The following BTG4 variants were observed in gnomAD, a reference collection of about 807,000 sequenced individuals.
BTG4 encodes the protein BTG anti-proliferation factor 4.
A neutral mutation model predicts 19.3 loss-of-function variants in BTG4; 10 were observed. The ratio of observed to expected loss-of-function variants is 0.52; its 90% CI spans 0.32 to 0.88. The LOEUF is 0.88. Among genes scored for constraint, BTG4 ranks in the 40% least tolerant of loss-of-function variants. The pLI is 0.04. For missense variants in BTG4, 238 were observed against 281.9 expected, an observed-to-expected ratio of 0.84 and a Z score of 1.11; for synonymous variants, 91 against 95.7, an observed-to-expected ratio of 0.95 and a Z score of 0.29.
chr11:111,507,254 A>G (rs1184700560), intron 1 of BTG4, among the ~76,000 whole-genome samples: 2 of 152,174 alleles, frequency 1.3e-5, no homozygotes, highest in African/African-American at 4.8e-5. Flanking sequence ...TACACCCTAG[A>G]GCTCTTAAGA....
the BTG4 span, among the ~76,000 whole-genome samples, chr11:111,388,390 C>T: frequency 6.6e-6 from 1 of 151,616 alleles, no homozygotes; most frequent in East Asian, 1.9e-4. Flanking sequence ...AAGCACAACC[C>T]TAGACAACCA....
intron 5 of BTG4, among the ~76,000 whole-genome samples, chr11:111,472,145 A>G (rs1864106617): frequency 6.6e-6 from 1 of 152,226 alleles, no homozygotes; most frequent in African/African-American, 2.4e-5. Context: ...TGGAAATTGG[A>G]TCTGCTCAAA....
chr11:111,481,398 T>C (rs1233263203), intron 5 of BTG4, among the ~76,000 whole-genome samples: 1 of 151,832 alleles, frequency 6.6e-6, no homozygotes, highest in Non-Finnish European at 1.5e-5. Context: ...ATTTCTTCTA[T>C]AAAATAGAAG....
At chr11:111,480,205 A>G (rs1864652635) in intron 5 of BTG4, among the ~76,000 whole-genome samples, 1 of 152,186 alleles carries the variant, frequency 6.6e-6, no homozygotes, top group Non-Finnish European at 1.5e-5. Flanking sequence ...TTAATATCAG[A>G]TAAAGCCGAC....
intron 1 of BTG4, among the ~76,000 whole-genome samples, chr11:111,504,334 A>G (rs886712672): frequency 6.6e-6 from 1 of 152,138 alleles, no homozygotes; most frequent in Non-Finnish European, 1.5e-5. Context: ...TTCCCAAAAC[A>G]TTATCTAATA....
At chr11:111,514,696 T>C, upstream of BTG4, 1 of 980,526 alleles carries the variant, frequency 1.0e-6, no homozygotes, top group Non-Finnish European at 1.4e-6. Context: ...CGGCAGGGGC[T>C]GGTACCAACT....
At chr11:111,426,317 T>A in the BTG4 span, among the ~76,000 whole-genome samples, 1 of 152,112 alleles carries the variant, frequency 6.6e-6, no homozygotes, top group Non-Finnish European at 1.5e-5. Flanking sequence ...AGTGGTTGTA[T>A]CTACACATTG....
chr11:111,473,891 C>T (rs1005350789), intron 5 of BTG4, among the ~76,000 whole-genome samples: 1 of 152,144 alleles, frequency 6.6e-6, no homozygotes, highest in South Asian at 2.1e-4. Context: ...CACTACACCA[C>T]AAAGATACCA....
chr11:111,429,222 C>T, the BTG4 span, among the ~76,000 whole-genome samples: 1 of 152,034 alleles, frequency 6.6e-6, no homozygotes, highest in South Asian at 2.1e-4. Context: ...AGGGAGGCGC[C>T]CCCTACTGAC....
the BTG4 span, among the ~76,000 whole-genome samples, chr11:111,395,001 G>A: frequency 6.6e-6 from 1 of 152,202 alleles, no homozygotes; most frequent in African/African-American, 2.4e-5. Context: ...TCCAGCTCAG[G>A]GAATCTGGCT....
the BTG4 span, chr11:111,460,356 G>C: frequency 6.5e-6 from 1 of 152,704 alleles, no homozygotes; most frequent in Non-Finnish European, 1.5e-5. Flanking sequence ...CGGGGAGTGA[G>C]AGACCCTGGT....
intron 2 of BTG4, 39 bp from the exon 3 acceptor site, chr11:111,498,174 G>T: frequency 6.2e-7 from 1 of 1,608,278 alleles, no homozygotes. Flanking sequence ...CATGATGACA[G>T]ACACTTTAGC....
At chr11:111,386,747 G>A in the BTG4 span, among the ~76,000 whole-genome samples, 1 of 152,190 alleles carries the variant, frequency 6.6e-6, no homozygotes, top group Non-Finnish European at 1.5e-5. Context: ...AATGGGCTCC[G>A]AGGTAAAAAG....
At chr11:111,392,831 C>T in the BTG4 span, among the ~76,000 whole-genome samples, 222 of 152,288 alleles carry the variant, frequency 1.5e-3, 1 homozygote, top group Non-Finnish European at 2.4e-3. Context: ...CGCCACCAAC[C>T]TTGTCTCCTC....
At chr11:111,425,091 C>T in the BTG4 span, among the ~76,000 whole-genome samples, 3 of 152,106 alleles carry the variant, frequency 2.0e-5, no homozygotes, top group Admixed American at 2.0e-4. Flanking sequence ...AGGAAGGCGC[C>T]ATTTGGGCTG....
chr11:111,507,059 TAA>T (rs1008422990), intron 1 of BTG4, among the ~76,000 whole-genome samples: 4 of 151,730 alleles, frequency 2.6e-5, no homozygotes, highest in Admixed American at 1.3e-4. Context: ...TAACTAAATA[TAA>T]GTTTCCCACT....
At position 111,497,966 on chromosome 11, in the gene BTG4, TCA is replaced by T. The variant is rs548251507; in HGVS notation, c.311+30_311+31del. The stretch of plus-strand genomic sequence containing the variant: ...TTGTCTAACTTAAGGTTTCCAGGTA[TCA>T]CACAGCACACAAACTATGAGATTAC... On this transcript the variant is annotated intron_variant, in intron 3 of 4. Coordinates refer to ENST00000692032, the MANE Select transcript of BTG4 (RefSeq NM_001367975.1). 784 of 1,604,538 alleles carry T rather than the reference TCA, an allele frequency of 4.9e-4. 6 individuals carry two copies. The African/African-American group carries it at 9.3e-3, about 19-fold the overall frequency.
chr11:111,496,850 T>C (rs972209840), intron 4 of BTG4: 1 of 270,798 alleles, frequency 3.7e-6, no homozygotes, highest in Admixed American at 5.3e-5. Flanking sequence ...ACCTTTCCTA[T>C]ATCCAAATTT....
the BTG4 span, chr11:111,455,613 C>G: frequency 6.7e-6 from 2 of 300,174 alleles, no homozygotes; most frequent in Admixed American, 3.7e-5. Flanking sequence ...TGGGCAGAAC[C>G]CAGAAAAGTG....
Sources: allele counts gnomAD v4.1 joint callset (sites outside exome capture counted in the v4.1 genomes callset), GRCh38; gene constraint gnomAD v4.1.1; transcripts MANE v1.5; gene names NCBI Gene and HGNC (gene_info 2026-07-23, HGNC 2026-07-21).